CLVS1: variants seen among roughly 807,000 people sequenced by gnomAD.
CLVS1 encodes clavesin 1.
A neutral mutation model predicts 33.1 loss-of-function variants in CLVS1; 10 were observed. The ratio of observed to expected loss-of-function variants is 0.30; its 90% CI spans 0.19 to 0.51. The LOEUF is 0.51. CLVS1 is among the 20% of genes least tolerant of loss of function. CLVS1 has a pLI of 0.97. For synonymous variants in CLVS1, 163 were observed against 166.1 expected, an observed-to-expected ratio of 0.98 and a Z score of 0.14; for missense variants, 343 against 433.4, an observed-to-expected ratio of 0.79 and a Z score of 1.85.
intron 2 of CLVS1, among the ~76,000 whole-genome samples, chr8:61,219,850 G>A (rs1375801853): frequency 3.9e-5 from 6 of 152,158 alleles, no homozygotes; most frequent in Admixed American, 6.5e-5. Flanking sequence ...TCTGACTCAC[G>A]TGAGATGGTA....
chr8:61,179,989 C>G (rs1807198042), intron 2 of CLVS1, among the ~76,000 whole-genome samples: 2 of 152,072 alleles, frequency 1.3e-5, no homozygotes, highest in South Asian at 4.1e-4. Context: ...TAACTAAGAT[C>G]AAAGCAGTCC....
chr8:61,055,847 C>T (rs1015022092), upstream of CLVS1, among the ~76,000 whole-genome samples: 1 of 152,230 alleles, frequency 6.6e-6, no homozygotes, highest in East Asian at 1.9e-4. Flanking sequence ...GTGTAACTCT[C>T]CAAGGCCAGT....
intron 2 of CLVS1, among the ~76,000 whole-genome samples, chr8:61,325,823 T>C (rs1811363164): frequency 6.6e-6 from 1 of 152,174 alleles, no homozygotes; most frequent in African/African-American, 2.4e-5. Context: ...AGTCCTGGCC[T>C]TATACCCCTC....
At chr8:61,035,327 C>T in the CLVS1 span, among the ~76,000 whole-genome samples, 1 of 151,948 alleles carries the variant, frequency 6.6e-6, no homozygotes, top group Non-Finnish European at 1.5e-5. Flanking sequence ...AATCATTTTC[C>T]AGTCTGATGT....
the CLVS1 span, among the ~76,000 whole-genome samples, chr8:61,047,734 T>C: frequency 5.3e-5 from 8 of 152,092 alleles, no homozygotes; most frequent in Admixed American, 2.0e-4. Context: ...TAGGTGGGAA[T>C]TGAACAATGA....
At chr8:61,223,155 T>C (rs1192894479) in intron 2 of CLVS1, among the ~76,000 whole-genome samples, 5 of 152,184 alleles carry the variant, frequency 3.3e-5, no homozygotes, top group Non-Finnish European at 7.3e-5. Context: ...TGTCTTTTAA[T>C]TGGAGAATTT....
At chr8:61,211,539 G>C (rs4079226) in intron 2 of CLVS1, among the ~76,000 whole-genome samples, 2 of 152,128 alleles carry the variant, frequency 1.3e-5, no homozygotes, top group Admixed American at 6.5e-5. Context: ...TGAAGGAAAA[G>C]ATCCACTGGA....
chr8:61,393,269 T>G (rs1814380652), intron 3 of CLVS1, among the ~76,000 whole-genome samples: 1 of 152,182 alleles, frequency 6.6e-6, no homozygotes, highest in Admixed American at 6.6e-5. Flanking sequence ...CTTTTCTTTA[T>G]TATATATATT....
chr8:61,164,679 C>T (rs1472869644), intron 2 of CLVS1, among the ~76,000 whole-genome samples: 1 of 152,210 alleles, frequency 6.6e-6, no homozygotes, highest in Non-Finnish European at 1.5e-5. Flanking sequence ...CTCCTCCAAC[C>T]TTCTCATATA....
intron 2 of CLVS1, among the ~76,000 whole-genome samples, chr8:61,366,976 G>A (rs568243610): frequency 1.3e-5 from 2 of 152,188 alleles, no homozygotes; most frequent in East Asian, 3.9e-4. Context: ...CACAACTACA[G>A]CACCTCTGAC....
intron 2 of CLVS1, among the ~76,000 whole-genome samples, chr8:61,373,942 CA>C (rs1477401537): frequency 2.0e-5 from 3 of 152,120 alleles, no homozygotes; most frequent in African/African-American, 7.2e-5. Flanking sequence ...CACCCTTGTT[CA>C]CAGTTCAGCA....
chr8:61,363,659 A>G (rs1174180897), intron 2 of CLVS1, among the ~76,000 whole-genome samples: 1 of 152,170 alleles, frequency 6.6e-6, no homozygotes, highest in East Asian at 1.9e-4. Context: ...TTTTGTTGTT[A>G]TTGTTGCTAA....
At chr8:61,029,118 C>T in the CLVS1 span, among the ~76,000 whole-genome samples, 1 of 152,218 alleles carries the variant, frequency 6.6e-6, no homozygotes, top group Admixed American at 6.5e-5. Context: ...ATATGTGTGT[C>T]TTCATACAAC....
intron 1 of CLVS1, among the ~76,000 whole-genome samples, chr8:61,070,268 C>A (rs1804768801): frequency 6.6e-6 from 1 of 152,214 alleles, no homozygotes; most frequent in African/African-American, 2.4e-5. Flanking sequence ...ATATCACATG[C>A]ACTCCTCTTA....
At chr8:61,298,387 T>A (rs2129594459) in intron 1 of CLVS1, among the ~76,000 whole-genome samples, 1 of 152,296 alleles carries the variant, frequency 6.6e-6, no homozygotes, top group South Asian at 2.1e-4. Flanking sequence ...AGCCGATATT[T>A]TATAAATAAA....
intron 2 of CLVS1, among the ~76,000 whole-genome samples, chr8:61,260,632 G>A (rs1809183832): frequency 6.6e-6 from 1 of 152,088 alleles, no homozygotes; most frequent in Non-Finnish European, 1.5e-5. Flanking sequence ...TGATCTTCAG[G>A]GACTTCAGGT....
intron 3 of CLVS1, among the ~76,000 whole-genome samples, chr8:61,442,504 A>C (rs1459442879): frequency 6.6e-6 from 1 of 152,184 alleles, no homozygotes; most frequent in Non-Finnish European, 1.5e-5. Flanking sequence ...TTTGGTTTTT[A>C]GAAAACTGCC....
chr8:61,261,617 A>G (rs1373046683), intron 2 of CLVS1, among the ~76,000 whole-genome samples: 1 of 152,162 alleles, frequency 6.6e-6, no homozygotes, highest in Non-Finnish European at 1.5e-5. Flanking sequence ...TCAGGAGGGT[A>G]GAGCCCTCAG....
At chr8:61,428,613 G>C (rs541433726) in intron 3 of CLVS1, among the ~76,000 whole-genome samples, 1 of 152,276 alleles carries the variant, frequency 6.6e-6, no homozygotes, top group Admixed American at 6.5e-5. Flanking sequence ...GATAGAAAAA[G>C]GCACATTCCT....
Sources: gnomAD v4.1 joint callset for allele counts (sites outside exome capture counted in the v4.1 genomes callset) on GRCh38, gnomAD v4.1.1 for gene constraint, MANE v1.5 for transcripts, NCBI Gene and HGNC (gene_info 2026-07-23, HGNC 2026-07-21) for gene names.